RBM26: variants seen among roughly 807,000 people sequenced by gnomAD.
RBM26 encodes RNA-binding protein 26.
RBM26 carries 30 observed loss-of-function variants against 123.6 expected under a neutral mutation model. The ratio of observed to expected loss-of-function variants is 0.24; its 90% CI spans 0.18 to 0.33. The LOEUF (loss-of-function observed/expected upper bound fraction) is 0.33, where lower values mean the gene tolerates loss of function less well. Among genes scored for constraint, RBM26 ranks in the 10% least tolerant of loss-of-function variants. The probability of loss-of-function intolerance (pLI) is 1.00; values close to 1 mark genes in which losing one functional copy is unlikely to be tolerated. For missense variants in RBM26, 947 were observed against 1,203.6 expected (o/e 0.79, Z 3.15); for synonymous variants, 400 against 404.4 (o/e 0.99, Z 0.13).
chr13:79,314,973 G>A (rs1489159233), downstream of RBM26: 1 of 1,300,952 alleles, frequency 7.7e-7, no homozygotes, highest in African/African-American at 1.5e-5. Context: ...GCTAAATTCA[G>A]GCAATGATGA....
chr13:79,364,017 G>C (rs937898100), intron 9 of RBM26, among the ~76,000 whole-genome samples: 1 of 152,160 alleles, frequency 6.6e-6, no homozygotes, highest in Non-Finnish European at 1.5e-5. Flanking sequence ...AGCCAGGTGG[G>C]AGACAGGTTC....
chr13:79,366,921 T>A, intron 6 of RBM26, 49 bp from the exon 7 acceptor site: 2 of 1,448,134 alleles, frequency 1.4e-6, no homozygotes, highest in African/African-American at 2.9e-5. Context: ...ACTGGAAATA[T>A]ATATTTTCTC....
chr13:79,319,448 A>C lies in RBM26; in HGVS notation c.*1173T>G, dbSNP rs180985021. On this transcript the variant is annotated 3_prime_UTR_variant, in exon 22 of 22. Transcript: ENST00000438737. ...TTCACTTGCAAAAGAAATCCACTTAAAAAAATCACAGTATTGTTGCAAACA... is the reference window on the plus strand; with the variant it reads ...TTCACTTGCAAAAGAAATCCACTTACAAAAATCACAGTATTGTTGCAAACA... 1.0e-6 allele frequency: 1 copy of C among 984,150 alleles called. No individual in the cohort carries two copies. Among genetic ancestry groups the C allele is most frequent in the Admixed American group, 6.2e-5 (1 of 16,112 alleles). 61.0% of individuals were successfully genotyped at this position (984,150 alleles called of 1,614,324 possible). A position where few individuals can be genotyped will look rare whatever the true frequency, so the allele number is the denominator to read the frequency against.
intron 6 of RBM26, among the ~76,000 whole-genome samples, chr13:79,367,577 T>C (rs1024295176): frequency 6.6e-6 from 1 of 151,810 alleles, no homozygotes; most frequent in Non-Finnish European, 1.5e-5. Flanking sequence ...CTCTATTAGT[T>C]CACAGGAGCT....
At chr13:79,359,743 ATC>A in intron 9 of RBM26, 57 bp from the exon 10 acceptor site, 1 of 830,380 alleles carries the variant, frequency 1.2e-6, no homozygotes, top group South Asian at 2.2e-5. Context: ...TTTTCTATTT[ATC>A]ATAGATACCT....
intron 8 of RBM26, 125 bp downstream of exon 8, chr13:79,365,930 T>C (rs137962085): frequency 1.7e-5 from 17 of 1,028,936 alleles, no homozygotes; most frequent in East Asian, 1.2e-4. Flanking sequence ...TTAATGTTCA[T>C]TCACCACGGC....
At chr13:79,325,104 G>A (rs577228579) in intron 20 of RBM26, among the ~76,000 whole-genome samples, 4 of 152,128 alleles carry the variant, frequency 2.6e-5, no homozygotes, top group South Asian at 2.1e-4. Context: ...TAAACAAACC[G>A]ATTGTGCTGC....
chr13:79,357,775 G>A (rs938116755), intron 11 of RBM26, among the ~76,000 whole-genome samples: 10 of 151,914 alleles, frequency 6.6e-5, no homozygotes. Context: ...ACCTTTATTA[G>A]GTAAAAAGTT....
chr13:79,398,918 A>T (rs2078825310), intron 1 of RBM26, among the ~76,000 whole-genome samples: 1 of 152,206 alleles, frequency 6.6e-6, no homozygotes, highest in Admixed American at 6.5e-5. Flanking sequence ...GCATTTAATA[A>T]TCAGGTATAT....
At chr13:79,375,696 T>C (rs1374374774) in intron 3 of RBM26, among the ~76,000 whole-genome samples, 3 of 152,162 alleles carry the variant, frequency 2.0e-5, no homozygotes, top group East Asian at 1.9e-4. Context: ...ATTGGGATGT[T>C]ACATGTGGGT....
rs568812140 is a variant in RBM26, at chr13:79,349,410, C to T, written c.2058+3743G>A. The stretch of plus-strand genomic sequence containing the variant: ...ATGAGTTCAACTTTTTAAGATTCCA[C>T]ATATAAGTGAAATAGACAAAGGGAT... On this transcript the variant is annotated intron_variant, in intron 14 of 21. Coordinates refer to ENST00000438737, the MANE Select transcript of RBM26 (RefSeq NM_001366735.2). 5.9e-5 allele frequency among the ~76,000 whole-genome samples: 9 copies of T among 152,114 alleles called. No homozygotes were observed. In the South Asian group the frequency reaches 1.7e-3, roughly 28 times the overall value.
At chr13:79,331,336 CGCA>C (rs1215649119) in intron 20 of RBM26, among the ~76,000 whole-genome samples, 1 of 151,838 alleles carries the variant, frequency 6.6e-6, no homozygotes, top group African/African-American at 2.4e-5. Flanking sequence ...AATTGTACCT[CGCA>C]GCCAGGCACA....
At chr13:79,358,554 T>C (rs890561478) in intron 10 of RBM26, 121 bp from the exon 11 acceptor site, 2 of 759,818 alleles carry the variant, frequency 2.6e-6, no homozygotes, top group Admixed American at 6.4e-5. Context: ...AAACTGAAAT[T>C]ACTGGTTGAT....
Position 79,341,201 on chromosome 13 carries a change from T to C in RBM26, c.2454A>G (p.Glu818=). 1 of 1,608,684 alleles carries C rather than the reference T, an allele frequency of 6.2e-7. No individual in the cohort carries two copies. The highest frequency in any genetic ancestry group is 8.5e-7 in the Non-Finnish European group (1 of 1,176,622). ...TQMQKELLDT[E]LDLYKKMQAG... ...CCTGCATCTTCTTATATAAATCCAG[T>C]TCTGTGTCAAGTAATTCCTTCTGCA... Residue 818 remains glutamate (E), a synonymous_variant, in exon 18 of 22, where the codon GAA becomes GAG. Transcript: ENST00000438737.
At chr13:79,395,964 A>G (rs1320445725) in intron 1 of RBM26, among the ~76,000 whole-genome samples, 1 of 152,192 alleles carries the variant, frequency 6.6e-6, no homozygotes, top group African/African-American at 2.4e-5. Context: ...AAAACCGATG[A>G]AAGACCCAAA....
chr13:79,377,831 C>T (rs1441576693), intron 2 of RBM26, among the ~76,000 whole-genome samples: 1 of 152,028 alleles, frequency 6.6e-6, no homozygotes, highest in African/African-American at 2.4e-5. Context: ...TCACTTGAAC[C>T]CAGGAGGCAG....
At chr13:79,335,590 G>A (rs2070214926) in intron 19 of RBM26, among the ~76,000 whole-genome samples, 2 of 152,068 alleles carry the variant, frequency 1.3e-5, no homozygotes, top group South Asian at 4.1e-4. Context: ...TAGGTTGAGA[G>A]AAAAGAAGCT....
At chr13:79,335,868 G>A (rs1207623080) in intron 19 of RBM26, among the ~76,000 whole-genome samples, 1 of 152,040 alleles carries the variant, frequency 6.6e-6, no homozygotes, top group East Asian at 1.9e-4. Flanking sequence ...CCTTTCTCTT[G>A]TGGAAGGTGT....
chr13:79,336,920 T>C (rs925958455), intron 19 of RBM26, among the ~76,000 whole-genome samples, 182 bp downstream of exon 19: 2 of 152,240 alleles, frequency 1.3e-5, no homozygotes, highest in African/African-American at 2.4e-5. Flanking sequence ...ATGTCTCTTC[T>C]AGATAATTAT....
Sources: gnomAD v4.1 joint callset for allele counts (sites outside exome capture counted in the v4.1 genomes callset) on GRCh38, gnomAD v4.1.1 for gene constraint, MANE v1.5 for transcripts, NCBI Gene and HGNC (gene_info 2026-07-23, HGNC 2026-07-21) for gene names.